KCNJ3: variants seen among roughly 807,000 people sequenced by gnomAD.
KCNJ3 encodes the protein potassium inwardly rectifying channel subfamily J member 3.
In KCNJ3, 4 loss-of-function variants were observed where a neutral mutation model predicts 39.2. The ratio of observed to expected loss-of-function variants is 0.10; its 90% CI spans 0.05 to 0.23. The LOEUF (loss-of-function observed/expected upper bound fraction) is 0.23, where lower values mean the gene tolerates loss of function less well. Ranked by LOEUF, KCNJ3 falls within the 10% of genes least tolerant of loss-of-function variation. The probability of loss-of-function intolerance (pLI) is 1.00; values close to 1 mark genes in which losing one functional copy is unlikely to be tolerated. For synonymous variants in KCNJ3, 230 were observed against 237.4 expected (o/e 0.97, Z 0.29); for missense variants, 276 against 634.9 (o/e 0.43, Z 6.08).
chr2:154,827,918 A>G (rs1687296363), intron 2 of KCNJ3, among the ~76,000 whole-genome samples: 2 of 152,200 alleles, frequency 1.3e-5, no homozygotes, highest in Admixed American at 6.5e-5. Flanking sequence ...TTCTGGAAAG[A>G]ACAGTATATT....
At chr2:154,743,443 T>C (rs936359961) in intron 2 of KCNJ3, among the ~76,000 whole-genome samples, 2 of 151,800 alleles carry the variant, frequency 1.3e-5, no homozygotes, top group African/African-American at 4.8e-5. Context: ...TGAGTAGTAT[T>C]GACATCTTAA....
rs33975324 is a variant in KCNJ3, at chr2:154,855,616, G to GAA, written c.*310_*311dup. 0.18 allele frequency: 26,506 copies of GAA among 149,124 alleles called. 2,780 individuals carry two copies. The highest frequency in any genetic ancestry group is 0.56 in the East Asian group (2,588 of 4,644). 9.2% of individuals were successfully genotyped at this position (149,124 alleles called of 1,614,324 possible). On this transcript the variant is annotated 3_prime_UTR_variant, in exon 3 of 3. Coordinates refer to ENST00000295101, the MANE Select transcript of KCNJ3 (RefSeq NM_002239.4). ...TGGCATATTTATATTGTATATTCTG[G>GAA]AAAAAAAATATATATATATATTTAA...
intron 2 of KCNJ3, among the ~76,000 whole-genome samples, chr2:154,782,704 A>G (rs1686459136): frequency 6.6e-6 from 1 of 152,168 alleles, no homozygotes; most frequent in South Asian, 2.1e-4. Flanking sequence ...GGGAAGAGTG[A>G]TATGGTTTTC....
rs746602046 is a variant in KCNJ3 at position 154,857,088 on chromosome 2, A to G, written c.*1775A>G. ...TGTATCAACCAAATTCTGTAGGTGC[A>G]AACATATACCAGGGAATTCTTACTG... On this transcript the variant is annotated 3_prime_UTR_variant, in exon 3 of 3. Transcript: ENST00000295101. The G allele has an allele frequency of 6.6e-5, 10 of 152,202 alleles. No homozygotes were observed. The highest frequency in any genetic ancestry group is 2.0e-4 in the Admixed American group (3 of 15,278). The allele number at this position is 152,202 out of a possible 1,614,324, so 9.4% of individuals were successfully genotyped here.
chr2:154,772,120 C>G (rs189542483), intron 2 of KCNJ3, among the ~76,000 whole-genome samples: 13 of 152,150 alleles, frequency 8.5e-5, no homozygotes, highest in African/African-American at 2.7e-4. Context: ...AGAAAGATGA[C>G]TGACTGGCTT....
intron 2 of KCNJ3, among the ~76,000 whole-genome samples, chr2:154,729,039 G>A (rs920542454): frequency 6.6e-6 from 1 of 151,948 alleles, no homozygotes; most frequent in Non-Finnish European, 1.5e-5. Flanking sequence ...CAGCTTTGAG[G>A]ACTAACTATG....
chr2:154,850,196 G>C (rs1401859532), intron 2 of KCNJ3, among the ~76,000 whole-genome samples: 4 of 151,834 alleles, frequency 2.6e-5, no homozygotes, highest in African/African-American at 9.7e-5. Flanking sequence ...AAACAGTTGT[G>C]TTGCTGGCTA....
chr2:154,715,250 G>A (rs1685162224), intron 2 of KCNJ3, among the ~76,000 whole-genome samples: 1 of 152,116 alleles, frequency 6.6e-6, no homozygotes, highest in African/African-American at 2.4e-5. Flanking sequence ...GCAAAATACT[G>A]CCTGGTAAAT....
At chr2:154,842,550 TC>T in intron 2 of KCNJ3, among the ~76,000 whole-genome samples, 1 of 152,208 alleles carries the variant, frequency 6.6e-6, no homozygotes, top group Non-Finnish European at 1.5e-5. Flanking sequence ...TGTTAAAGTC[TC>T]CCATTATTAT....
Position 154,703,479 on chromosome 2 carries a change from A to ATATG in KCNJ3, c.702+4003_702+4004insATGT, listed in dbSNP as rs372548966. On this transcript the variant is annotated intron_variant, in intron 1 of 2. Coordinates refer to ENST00000295101, the MANE Select transcript of KCNJ3 (RefSeq NM_002239.4). ...TCACCTTCTTTTATCCTCCATATAT[A>ATATG]TGTGTGTGTGTGTGTGTGTGTGTGT... Among the ~76,000 whole-genome samples the ATATG allele has an allele frequency of 7.9e-3, 1,165 of 148,270 alleles. 7 individuals carry two copies. The highest frequency in any genetic ancestry group is 0.018 in the Middle Eastern group (5 of 282).
Position 154,855,367 on chromosome 2 carries a change from T to C in KCNJ3, c.*54T>C. ...GTTTGATTTAGTAATAGTCCAATAT[T>C]TGGCGATGAGGTAATTCTCCCTAAG... On this transcript the variant is annotated 3_prime_UTR_variant, in exon 3 of 3. Coordinates refer to ENST00000295101, the MANE Select transcript of KCNJ3 (RefSeq NM_002239.4). 8.2e-7 allele frequency: 1 copy of C among 1,222,858 alleles called. No individual in the cohort carries two copies. The highest frequency in any genetic ancestry group is 1.1e-6 in the Non-Finnish European group (1 of 881,848). 75.8% of individuals were successfully genotyped at this position (1,222,858 alleles called of 1,614,324 possible).
chr2:154,743,178 T>A (rs980751940), intron 2 of KCNJ3, among the ~76,000 whole-genome samples: 1 of 151,854 alleles, frequency 6.6e-6, no homozygotes, highest in African/African-American at 2.4e-5. Flanking sequence ...TTTGACCATA[T>A]ACATAAGAGT....
intron 2 of KCNJ3, among the ~76,000 whole-genome samples, chr2:154,845,410 C>T (rs187138787): frequency 3.3e-5 from 5 of 152,184 alleles, no homozygotes; most frequent in African/African-American, 7.2e-5. Flanking sequence ...TGAGCCACCA[C>T]ACCGGGCCTG....
At position 154,854,757 on chromosome 2, in the gene KCNJ3, C is replaced by T. The variant is rs369065099; in HGVS notation, c.950C>T (p.Thr317Ile). 7.6e-5 allele frequency: 123 copies of T among 1,613,136 alleles called. No homozygotes were observed. The highest frequency in any genetic ancestry group is 2.7e-5 in the African/African-American group (2 of 74,874). The stretch of plus-strand genomic sequence containing the variant: ...ACTTGTCAAGCTCGAACATCATATA[C>T]TGAAGATGAAGTTCTTTGGGGTCAT... ...GMTCQARTSY[T>I]EDEVLWGHRF... The change falls in exon 3 of 3, where the codon ACT becomes ATT. Residue 317 changes from threonine to isoleucine, a missense_variant. By Grantham distance (89) the Thr-to-Ile change is moderately conservative. This residue lies in a region of KCNJ3 where 77 missense variants were observed against 200.0 expected (regional missense o/e 0.38). Transcript: ENST00000295101.
At chr2:154,777,990 G>A (rs1686369600) in intron 2 of KCNJ3, among the ~76,000 whole-genome samples, 1 of 152,032 alleles carries the variant, frequency 6.6e-6, no homozygotes, top group South Asian at 2.1e-4. Flanking sequence ...CCAGAGTAGT[G>A]GATATTCCCT....
intron 2 of KCNJ3, among the ~76,000 whole-genome samples, chr2:154,786,103 A>G (rs1012414801): frequency 6.6e-6 from 1 of 152,196 alleles, no homozygotes; most frequent in African/African-American, 2.4e-5. Flanking sequence ...TTCTGAGGAA[A>G]TGGATTGCTT....
intron 2 of KCNJ3, among the ~76,000 whole-genome samples, chr2:154,739,682 T>C (rs1351464647): frequency 2.0e-5 from 3 of 152,066 alleles, no homozygotes; most frequent in African/African-American, 4.8e-5. Flanking sequence ...GAGGCTTCTT[T>C]GAGTCATTGT....
chr2:154,725,172 A>T (rs1430744362), intron 2 of KCNJ3, among the ~76,000 whole-genome samples: 7 of 151,036 alleles, frequency 4.6e-5, no homozygotes, highest in Admixed American at 4.0e-4. Flanking sequence ...TCACATTGTT[A>T]CTGGTTTTGA....
At position 154,759,282 on chromosome 2, in the gene KCNJ3, G is replaced by A. The variant is rs552437207; in HGVS notation, c.919+49463G>A. On this transcript the variant is annotated intron_variant, in intron 2 of 2. Coordinates refer to ENST00000295101, the MANE Select transcript of KCNJ3 (RefSeq NM_002239.4). The stretch of plus-strand genomic sequence containing the variant: ...AGTTGAACTAATACTTTGATCTTGT[G>A]TTTGGACTGAGAAGGACTCTCCAAT... Among the ~76,000 whole-genome samples the A allele has an allele frequency of 9.2e-4, 139 of 151,572 alleles. 2 individuals carry two copies. The highest frequency in any genetic ancestry group is 1.8e-3 in the Non-Finnish European group (120 of 67,902).
Sources: gnomAD v4.1 joint callset for allele counts (sites outside exome capture counted in the v4.1 genomes callset) on GRCh38, gnomAD v4.1.1 for gene constraint, gnomAD v4.1.1 regional missense constraint, MANE v1.5 for transcripts, NCBI Gene and HGNC (gene_info 2026-07-23, HGNC 2026-07-21) for gene names.